The following UVRAG variants were observed in gnomAD, a reference collection of about 807,000 sequenced individuals.
UVRAG encodes UV radiation resistance-associated gene protein.
UVRAG carries 19 observed loss-of-function variants against 78.0 expected under a neutral mutation model. The observed-to-expected ratio is 0.24, with a 90% CI of 0.17 to 0.36. The LOEUF (loss-of-function observed/expected upper bound fraction) is 0.36. UVRAG is among the 10% of genes least tolerant of loss of function. UVRAG has a pLI of 1.00. For missense variants in UVRAG, 740 were observed against 853.8 expected, an observed-to-expected ratio of 0.87 and a Z score of 1.66; for synonymous variants, 323 against 324.6, an observed-to-expected ratio of 1.00 and a Z score of 0.05.
chr11:76,048,352 G>A (rs1950802778), intron 12 of UVRAG, among the ~76,000 whole-genome samples: 1 of 152,212 alleles, frequency 6.6e-6, no homozygotes. Flanking sequence ...AACAGGTAAA[G>A]ATTAGCCCAA....
At chr11:75,991,690 A>T (rs998220982) in intron 8 of UVRAG, among the ~76,000 whole-genome samples, 1 of 152,132 alleles carries the variant, frequency 6.6e-6, no homozygotes, top group Non-Finnish European at 1.5e-5. Flanking sequence ...ATGATATATA[A>T]AACCAAGGGG....
chr11:75,836,023 C>A (rs907812259), intron 1 of UVRAG, among the ~76,000 whole-genome samples: 1 of 152,106 alleles, frequency 6.6e-6, no homozygotes, highest in Non-Finnish European at 1.5e-5. Flanking sequence ...ATCGCTTGAA[C>A]CCGGGAGGCG....
chr11:76,055,832 C>T (rs903881813), intron 12 of UVRAG, among the ~76,000 whole-genome samples: 2 of 152,168 alleles, frequency 1.3e-5, no homozygotes, highest in East Asian at 3.8e-4. Flanking sequence ...GCCTCAGCCT[C>T]CTGAGTAGCT....
intron 6 of UVRAG, among the ~76,000 whole-genome samples, chr11:75,922,619 C>G (rs1188871713): frequency 6.6e-6 from 1 of 152,108 alleles, no homozygotes; most frequent in African/African-American, 2.4e-5. Context: ...TGAAAAAGTT[C>G]AGTAGTTTGC....
intron 2 of UVRAG, among the ~76,000 whole-genome samples, chr11:75,852,256 C>T (rs1285925040): frequency 6.6e-6 from 1 of 152,254 alleles, no homozygotes; most frequent in Middle Eastern, 3.4e-3. Context: ...GGTCTAGCAG[C>T]TAGCATTTCA....
intron 6 of UVRAG, among the ~76,000 whole-genome samples, chr11:75,928,961 A>AAAG (rs1555089147): frequency 6.3e-5 from 9 of 143,012 alleles, no homozygotes; most frequent in African/African-American, 2.5e-4. Flanking sequence ...AAAAAAAAAA[A>AAAG]AAAGAATTGA....
intron 2 of UVRAG, among the ~76,000 whole-genome samples, chr11:75,857,494 C>CA (rs1191941472): frequency 6.6e-6 from 1 of 151,388 alleles, no homozygotes; most frequent in Non-Finnish European, 1.5e-5. Context: ...TTTTTCCCCC[C>CA]CCCTTTTTTT....
chr11:75,997,435 C>G (rs1237252062), intron 8 of UVRAG, among the ~76,000 whole-genome samples: 1 of 152,218 alleles, frequency 6.6e-6, no homozygotes, highest in South Asian at 2.1e-4. Context: ...GACTTGTGTT[C>G]TTGCTGAACA....
intron 6 of UVRAG, among the ~76,000 whole-genome samples, chr11:75,931,448 G>A (rs1186990748): frequency 6.6e-6 from 1 of 152,156 alleles, no homozygotes; most frequent in South Asian, 2.1e-4. Context: ...CCTGGAGAAA[G>A]TGATACCATC....
intron 13 of UVRAG, among the ~76,000 whole-genome samples, chr11:76,088,652 A>C (rs900046410): frequency 2.0e-5 from 3 of 152,130 alleles, no homozygotes; most frequent in African/African-American, 7.2e-5. Context: ...ACATCACTGA[A>C]AGGCCCATCT....
intron 14 of UVRAG, among the ~76,000 whole-genome samples, chr11:76,133,036 A>T (rs1008409869): frequency 6.6e-6 from 1 of 152,202 alleles, no homozygotes; most frequent in African/African-American, 2.4e-5. Context: ...CTGTAAAATG[A>T]GGATGATGTT....
chr11:76,089,657 T>A lies in UVRAG; in HGVS notation c.1305+23869T>A, dbSNP rs75581314. ...AGTCAAATAGATCCTTAAGGCTAAT[T>A]GTGAGAAACAGTATTTCTGCTTGTT... is the stretch of plus-strand genomic sequence containing the variant. On this transcript the variant is annotated intron_variant, in intron 13 of 14. Transcript: ENST00000356136. Among the ~76,000 whole-genome samples the A allele has an allele frequency of 7.1e-3, 1,080 of 152,324 alleles. 12 individuals are homozygous for A. The highest frequency in any genetic ancestry group is 0.025 in the African/African-American group (1,040 of 41,576).
chr11:76,090,975 C>T (rs1422183456), intron 13 of UVRAG, among the ~76,000 whole-genome samples: 2 of 152,164 alleles, frequency 1.3e-5, no homozygotes, highest in Non-Finnish European at 2.9e-5. Flanking sequence ...CTAGATAAAT[C>T]CTCACAAAGA....
At chr11:76,032,479 TG>T (rs1950453500) in intron 12 of UVRAG, among the ~76,000 whole-genome samples, 2 of 152,130 alleles carry the variant, frequency 1.3e-5, no homozygotes, top group African/African-American at 4.8e-5. Context: ...AGAGTTCAGT[TG>T]TAAGAGGGGA....
At chr11:75,825,477 A>C (rs1237280870) in intron 1 of UVRAG, among the ~76,000 whole-genome samples, 2 of 152,212 alleles carry the variant, frequency 1.3e-5, no homozygotes, top group Non-Finnish European at 2.9e-5. Context: ...TTGCCTCCTT[A>C]GATTATAAAA....
intron 12 of UVRAG, among the ~76,000 whole-genome samples, chr11:76,061,905 T>G (rs1379975102): frequency 6.6e-6 from 1 of 152,166 alleles, no homozygotes; most frequent in South Asian, 2.1e-4. Context: ...CCTCATTGAG[T>G]CCAGTGGATC....
At chr11:76,091,619 C>T (rs1951698847) in intron 13 of UVRAG, among the ~76,000 whole-genome samples, 1 of 151,950 alleles carries the variant, frequency 6.6e-6, no homozygotes, top group African/African-American at 2.4e-5. Context: ...CATCTTCTTG[C>T]CCTTGTGTTT....
At chr11:76,054,454 G>T (rs928439136) in intron 12 of UVRAG, among the ~76,000 whole-genome samples, 4 of 152,164 alleles carry the variant, frequency 2.6e-5, no homozygotes, top group African/African-American at 7.2e-5. Context: ...TGCTTCTCCT[G>T]TCATTCAGAG....
At chr11:76,001,488 A>G (rs1156848702) in intron 8 of UVRAG, among the ~76,000 whole-genome samples, 1 of 152,236 alleles carries the variant, frequency 6.6e-6, no homozygotes, top group East Asian at 1.9e-4. Flanking sequence ...CTGAAAGAGT[A>G]GAGGATATCA....
Sources: allele counts gnomAD v4.1 joint callset (sites outside exome capture counted in the v4.1 genomes callset), GRCh38; gene constraint gnomAD v4.1.1; transcripts MANE v1.5; gene names NCBI Gene and HGNC (gene_info 2026-07-23, HGNC 2026-07-21).